AUTS2: variants seen among roughly 807,000 people sequenced by gnomAD.
AUTS2 encodes autism susceptibility gene 2 protein.
A neutral mutation model predicts 112.4 loss-of-function variants in AUTS2; 17 were observed. That is an observed-to-expected ratio of 0.15 (90% CI 0.10 to 0.23). The LOEUF (loss-of-function observed/expected upper bound fraction) is 0.23. AUTS2 is among the 10% of genes least tolerant of loss of function. The probability of loss-of-function intolerance (pLI) is 1.00; values close to 1 mark genes in which losing one functional copy is unlikely to be tolerated. For synonymous variants in AUTS2, 751 were observed against 702.7 expected (o/e 1.07, Z -1.09); for missense variants, 1,510 against 1,701.6 (o/e 0.89, Z 1.98).
At chr7:69,859,581 A>G (rs1043244046) in intron 1 of AUTS2, among the ~76,000 whole-genome samples, 1 of 152,160 alleles carries the variant, frequency 6.6e-6, no homozygotes, top group Non-Finnish European at 1.5e-5. Flanking sequence ...TTAAACCCTA[A>G]TCTCTTGTGG....
intron 4 of AUTS2, among the ~76,000 whole-genome samples, chr7:70,164,346 C>G: frequency 6.6e-6 from 1 of 152,010 alleles, no homozygotes; most frequent in East Asian, 1.9e-4. Flanking sequence ...TTAGTTTATA[C>G]TTTACTGATC....
chr7:70,501,105 T>C (rs750699831), intron 5 of AUTS2, among the ~76,000 whole-genome samples: 6 of 152,266 alleles, frequency 3.9e-5, no homozygotes, highest in Non-Finnish European at 8.8e-5. Flanking sequence ...TTTCTACTTA[T>C]TTTTATCTCA....
intron 5 of AUTS2, among the ~76,000 whole-genome samples, chr7:70,524,182 G>A (rs1376209896): frequency 6.6e-6 from 1 of 152,170 alleles, no homozygotes; most frequent in Non-Finnish European, 1.5e-5. Context: ...AAGAACTTGT[G>A]TTAGGTAGAG....
At chr7:70,618,299 C>T (rs527724243) in intron 5 of AUTS2, among the ~76,000 whole-genome samples, 4 of 152,248 alleles carry the variant, frequency 2.6e-5, no homozygotes, top group East Asian at 1.9e-4. Flanking sequence ...ACGAGGAGGC[C>T]GGACCCTCTC....
intron 5 of AUTS2, among the ~76,000 whole-genome samples, chr7:70,543,209 A>G (rs1215664254): frequency 6.6e-6 from 1 of 152,156 alleles, no homozygotes; most frequent in African/African-American, 2.4e-5. Context: ...AGCTCTATAA[A>G]AATGGTTTAA....
chr7:70,473,118 TGCTGAAATAGG>T (rs1233687096), intron 5 of AUTS2, among the ~76,000 whole-genome samples: 3 of 152,212 alleles, frequency 2.0e-5, no homozygotes, highest in Non-Finnish European at 4.4e-5. Context: ...TAACATTTGA[TGCTGAAATAGG>T]GAAGACGGGA....
At chr7:69,610,684 C>T (rs1005066255) in intron 1 of AUTS2, among the ~76,000 whole-genome samples, 5 of 152,106 alleles carry the variant, frequency 3.3e-5, no homozygotes, top group African/African-American at 4.8e-5. Context: ...TGAATAAGCC[C>T]GCATCATTCA....
chr7:70,622,045 G>T (rs1563082247), intron 5 of AUTS2, among the ~76,000 whole-genome samples: 2 of 151,458 alleles, frequency 1.3e-5, no homozygotes, highest in Non-Finnish European at 2.9e-5. Flanking sequence ...ACCCTGTTGG[G>T]CACGGTGCTC....
chr7:69,838,831 G>A (rs1167841134), intron 1 of AUTS2, among the ~76,000 whole-genome samples: 3 of 152,094 alleles, frequency 2.0e-5, no homozygotes, highest in African/African-American at 4.8e-5. Flanking sequence ...GCCACATGGA[G>A]CATAGTTTTA....
chr7:70,749,024 A>C (rs1788636307), intron 6 of AUTS2, among the ~76,000 whole-genome samples: 2 of 152,148 alleles, frequency 1.3e-5, no homozygotes, highest in Admixed American at 1.3e-4. Flanking sequence ...ATAGAGCCGG[A>C]CTGGGAACAG....
At chr7:70,192,294 G>GA (rs538560185) in intron 4 of AUTS2, among the ~76,000 whole-genome samples, 7 of 152,108 alleles carry the variant, frequency 4.6e-5, no homozygotes, top group African/African-American at 1.2e-4. Flanking sequence ...ACCACAGGGG[G>GA]AAAAAAATCC....
chr7:69,671,757 G>A (rs1796339880), intron 1 of AUTS2, among the ~76,000 whole-genome samples: 1 of 152,100 alleles, frequency 6.6e-6, no homozygotes, highest in Non-Finnish European at 1.5e-5. Context: ...AGCAGTTTGT[G>A]TAGAGGATAC....
chr7:70,621,362 C>T (rs1323857582), intron 5 of AUTS2, among the ~76,000 whole-genome samples: 2 of 152,136 alleles, frequency 1.3e-5, no homozygotes, highest in Non-Finnish European at 2.9e-5. Flanking sequence ...GTCATTTGGT[C>T]GCTGCAAAAT....
chr7:69,957,050 C>CTTT (rs759318185), intron 2 of AUTS2, among the ~76,000 whole-genome samples: 11 of 132,322 alleles, frequency 8.3e-5, no homozygotes, highest in African/African-American at 3.0e-4. Flanking sequence ...TTTGTTCTTT[C>CTTT]TTTTTTTTTT....
Position 69,891,774 on chromosome 7 carries a change from C to CTTT in AUTS2, c.310-7477_310-7475dup, listed in dbSNP as rs763424098. Among the ~76,000 whole-genome samples the CTTT allele has an allele frequency of 4.3e-3, 116 of 26,732 alleles. 48 individuals are homozygous for CTTT. The highest frequency in any genetic ancestry group is 9.3e-3 in the Admixed American group (14 of 1,512). 17.5% of individuals were successfully genotyped at this position (26,732 alleles called of 152,430 possible). A position where few individuals can be genotyped will look rare whatever the true frequency, so the allele number is the denominator to read the frequency against. ...ATTCATTCACTTTCCAGACAGATAT[C>CTTT]TTTTTTTTTTTTTTTTTTTTTTTTT... On this transcript the variant is annotated intron_variant, in intron 1 of 18. Transcript: ENST00000342771.
intron 4 of AUTS2, among the ~76,000 whole-genome samples, chr7:70,163,464 C>T (rs1808224567): frequency 6.6e-6 from 1 of 151,706 alleles, no homozygotes; most frequent in South Asian, 2.1e-4. Context: ...GCCCATTCCC[C>T]AGACACTTCT....
At chr7:70,521,439 C>A (rs539689205) in intron 5 of AUTS2, among the ~76,000 whole-genome samples, 12 of 152,310 alleles carry the variant, frequency 7.9e-5, no homozygotes, top group Middle Eastern at 3.4e-3. Flanking sequence ...AAGTCACCTG[C>A]AGCTCTGAGA....
intron 4 of AUTS2, among the ~76,000 whole-genome samples, chr7:70,134,945 C>A (rs1267606290): frequency 6.6e-6 from 1 of 152,120 alleles, no homozygotes; most frequent in Non-Finnish European, 1.5e-5. Flanking sequence ...TAACTGATTT[C>A]TTGAATAACA....
At chr7:69,629,609 T>C (rs1381836067) in intron 1 of AUTS2, among the ~76,000 whole-genome samples, 1 of 152,146 alleles carries the variant, frequency 6.6e-6, no homozygotes, top group Non-Finnish European at 1.5e-5. Flanking sequence ...TCCTATCAGG[T>C]TGCCAGTTGA....
Sources: gnomAD v4.1 joint callset for allele counts (sites outside exome capture counted in the v4.1 genomes callset) on GRCh38, gnomAD v4.1.1 for gene constraint, MANE v1.5 for transcripts, NCBI Gene and HGNC (gene_info 2026-07-23, HGNC 2026-07-21) for gene names.